The following THRB variants were observed in gnomAD, a reference collection of about 807,000 sequenced individuals.
THRB encodes nuclear receptor subfamily 1 group A member 2.
A neutral mutation model predicts 47.8 loss-of-function variants in THRB; 12 were observed. The observed-to-expected ratio is 0.25, with a 90% confidence interval of 0.16 to 0.41. The LOEUF (loss-of-function observed/expected upper bound fraction) is 0.41, where lower values mean the gene tolerates loss of function less well. Ranked by LOEUF, THRB falls within the 10% of genes least tolerant of loss-of-function variation. The probability of loss-of-function intolerance (pLI) is 1.00; values close to 1 mark genes in which losing one functional copy is unlikely to be tolerated. For synonymous variants in THRB, 218 were observed against 212.2 expected, an observed-to-expected ratio of 1.03 and a Z score of -0.24; for missense variants, 348 against 589.2, an observed-to-expected ratio of 0.59 and a Z score of 4.24.
chr3:24,123,591 G>A (rs533080078), intron 10 of THRB, among the ~76,000 whole-genome samples: 3 of 152,256 alleles, frequency 2.0e-5, no homozygotes, highest in East Asian at 1.9e-4. Context: ...GGAGGAACGC[G>A]GAATAGTAAG....
intron 1 of THRB, among the ~76,000 whole-genome samples, chr3:24,353,465 T>C (rs1387620395): frequency 6.6e-6 from 1 of 152,118 alleles, no homozygotes; most frequent in Non-Finnish European, 1.5e-5. Context: ...GCTAGGACCA[T>C]AGACAATTCA....
At chr3:24,166,073 T>G (rs2039604809) in intron 5 of THRB, among the ~76,000 whole-genome samples, 1 of 152,164 alleles carries the variant, frequency 6.6e-6, no homozygotes, top group Non-Finnish European at 1.5e-5. Flanking sequence ...GACACATAGG[T>G]CCCGCTGGTT....
At chr3:24,370,237 T>G (rs1278534977) in intron 1 of THRB, among the ~76,000 whole-genome samples, 2 of 152,154 alleles carry the variant, frequency 1.3e-5, no homozygotes, top group African/African-American at 4.8e-5. Context: ...ACTTGTCCCC[T>G]TTATTGTCTG....
chr3:24,461,038 C>T (rs2073650245), intron 1 of THRB, among the ~76,000 whole-genome samples: 1 of 152,192 alleles, frequency 6.6e-6, no homozygotes, highest in South Asian at 2.1e-4. Context: ...AAACTGTATA[C>T]ATGTTTTATG....
intron 1 of THRB, among the ~76,000 whole-genome samples, chr3:24,431,261 TA>T (rs58496483): frequency 0.15 from 20,048 of 135,378 alleles, 1,682 homozygotes; most frequent in Middle Eastern, 0.24. Context: ...TCTCTCTCTC[TA>T]CACACACACA....
chr3:24,284,454 G>T (rs930419439), intron 3 of THRB, among the ~76,000 whole-genome samples: 3 of 151,524 alleles, frequency 2.0e-5, no homozygotes, highest in Non-Finnish European at 2.9e-5. Flanking sequence ...AGATTTAAAC[G>T]TTAGACCTAA....
At chr3:24,414,307 A>C (rs1297145609) in intron 1 of THRB, among the ~76,000 whole-genome samples, 1 of 151,950 alleles carries the variant, frequency 6.6e-6, no homozygotes, top group Non-Finnish European at 1.5e-5. Flanking sequence ...AGTGTTAAGC[A>C]TGTCAAATTT....
intron 9 of THRB, among the ~76,000 whole-genome samples, chr3:24,132,471 A>G (rs2034013173): frequency 6.6e-6 from 1 of 152,242 alleles, no homozygotes; most frequent in Non-Finnish European, 1.5e-5. Context: ...CAAATATATT[A>G]TCCCACTTAA....
chr3:24,481,647 G>T (rs1696437546), intron 1 of THRB, among the ~76,000 whole-genome samples: 1 of 152,096 alleles, frequency 6.6e-6, no homozygotes, highest in Non-Finnish European at 1.5e-5. Context: ...ACAAAGGGGT[G>T]AGGGAAAGTG....
chr3:24,440,998 G>A (rs971143700), intron 1 of THRB, among the ~76,000 whole-genome samples: 1 of 152,178 alleles, frequency 6.6e-6, no homozygotes, highest in Non-Finnish European at 1.5e-5. Flanking sequence ...CAAGGTGTTA[G>A]CTGAAGCTGC....
intron 3 of THRB, among the ~76,000 whole-genome samples, chr3:24,278,614 T>C (rs1000558002): frequency 6.6e-6 from 1 of 152,200 alleles, no homozygotes; most frequent in Non-Finnish European, 1.5e-5. Flanking sequence ...TCTATTTAAA[T>C]TGCAACATTT....
At chr3:24,333,530 G>A (rs917590301) in intron 2 of THRB, among the ~76,000 whole-genome samples, 1 of 152,160 alleles carries the variant, frequency 6.6e-6, no homozygotes, top group Non-Finnish European at 1.5e-5. Context: ...CTCTTACATT[G>A]TGTAATTTCA....
intron 1 of THRB, among the ~76,000 whole-genome samples, chr3:24,423,165 C>T (rs1224426625): frequency 6.6e-6 from 1 of 151,800 alleles, no homozygotes; most frequent in Non-Finnish European, 1.5e-5. Flanking sequence ...AGTCGGTGAC[C>T]CCCAATCAAT....
intron 5 of THRB, among the ~76,000 whole-genome samples, chr3:24,163,001 T>C (rs4624513): frequency 0.11 from 17,237 of 152,130 alleles, 1,412 homozygotes; most frequent in African/African-American, 0.22. Flanking sequence ...CTTTTATCTA[T>C]TGTGAATAGA....
chr3:24,272,847 A>G (rs2053496160), intron 3 of THRB, among the ~76,000 whole-genome samples: 1 of 152,164 alleles, frequency 6.6e-6, no homozygotes, highest in African/African-American at 2.4e-5. Context: ...TACTCTTCCT[A>G]TGGTCTTTCC....
At chr3:24,467,909 C>A (rs191491859) in intron 1 of THRB, among the ~76,000 whole-genome samples, 1 of 152,324 alleles carries the variant, frequency 6.6e-6, no homozygotes, top group Admixed American at 6.5e-5. Context: ...CAGGCATTCA[C>A]TTCTCCTCTC....
At chr3:24,325,064 C>T (rs1171220197) in intron 2 of THRB, among the ~76,000 whole-genome samples, 2 of 152,136 alleles carry the variant, frequency 1.3e-5, no homozygotes, top group Non-Finnish European at 2.9e-5. Context: ...TTGCTTCTTG[C>T]TTTTGGCTGT....
intron 1 of THRB, among the ~76,000 whole-genome samples, chr3:24,391,015 C>T (rs543857464): frequency 2.6e-5 from 4 of 151,988 alleles, no homozygotes; most frequent in Non-Finnish European, 4.4e-5. Context: ...GTCCATTTCT[C>T]CCAGCCTGCA....
intron 1 of THRB, among the ~76,000 whole-genome samples, chr3:24,367,933 G>C (rs1337317797): frequency 6.6e-6 from 1 of 152,090 alleles, no homozygotes; most frequent in East Asian, 1.9e-4. Flanking sequence ...AGGAGGGAGA[G>C]ATAAACACAA....
Sources: gnomAD v4.1 joint callset for allele counts (sites outside exome capture counted in the v4.1 genomes callset) on GRCh38, gnomAD v4.1.1 for gene constraint, MANE v1.5 for transcripts, NCBI Gene and HGNC (gene_info 2026-07-23, HGNC 2026-07-21) for gene names.